Variants in CDH17 observed in about 807,000 individuals in gnomAD.
The protein encoded by CDH17 is cadherin 17, also known as cadherin-17.
In CDH17, 67 loss-of-function variants were observed where a neutral mutation model predicts 86.3. The observed-to-expected ratio is 0.78, with a 90% CI of 0.64 to 0.95. The LOEUF is 0.95. CDH17 is among the 40% of genes least tolerant of loss of function. The pLI is 0.00. For missense variants in CDH17, 993 were observed against 1,017.6 expected, an observed-to-expected ratio of 0.98 and a Z score of 0.33; for synonymous variants, 367 against 366.4, an observed-to-expected ratio of 1.00 and a Z score of -0.02.
chr8:94,190,065 C>T (rs1162579194), intron 2 of CDH17, among the ~76,000 whole-genome samples: 1 of 152,200 alleles, frequency 6.6e-6, no homozygotes, highest in Non-Finnish European at 1.5e-5. Flanking sequence ...AGAAGAGTGG[C>T]TCACACTTGC....
chr8:94,187,531 C>A (rs1161612238), intron 3 of CDH17, among the ~76,000 whole-genome samples: 1 of 152,020 alleles, frequency 6.6e-6, no homozygotes, highest in Non-Finnish European at 1.5e-5. Context: ...CTGCCAGAGT[C>A]CCCTAGCCAG....
At chr8:94,165,012 G>A (rs1329829672) in intron 10 of CDH17, among the ~76,000 whole-genome samples, 1 of 152,200 alleles carries the variant, frequency 6.6e-6, no homozygotes, top group African/African-American at 2.4e-5. Context: ...GTTAGGGTAA[G>A]ATAGAACTTT....
chr8:94,148,878 C>T lies in CDH17; in HGVS notation c.1797-4G>A, dbSNP rs1174871509. 2 of 1,597,098 alleles carry T rather than the reference C, an allele frequency of 1.3e-6. No individual in the cohort carries two copies. The highest frequency in any genetic ancestry group is 1.8e-5 in the Admixed American group (1 of 55,378). On this transcript the variant is annotated splice_region_variant and splice_polypyrimidine_tract_variant and intron_variant, in intron 13 of 17. Transcript: ENST00000027335. Reference sequence around the variant, plus strand: ...TGTGTCTCCCCTCAGTGAATAGCTTCATCAAATGAAAAGAGCAAAAGAAAG... The same window carrying T: ...TGTGTCTCCCCTCAGTGAATAGCTTTATCAAATGAAAAGAGCAAAAGAAAG...
upstream of CDH17, among the ~76,000 whole-genome samples, chr8:94,212,794 C>T (rs1213885519): frequency 1.3e-5 from 2 of 152,210 alleles, no homozygotes; most frequent in Non-Finnish European, 2.9e-5. Flanking sequence ...GATGCTGGCT[C>T]CAAGCAACTG....
chr8:94,186,104 G>GGCACCTAT (rs1226964678), intron 3 of CDH17, among the ~76,000 whole-genome samples: 1 of 152,072 alleles, frequency 6.6e-6, no homozygotes, highest in African/African-American at 2.4e-5. Context: ...GCACTCTATT[G>GGCACCTAT]GCACCTATAT....
intron 5 of CDH17, among the ~76,000 whole-genome samples, chr8:94,175,936 C>T (rs190744582): frequency 1.3e-5 from 2 of 152,242 alleles, no homozygotes; most frequent in East Asian, 3.9e-4. Context: ...GTTGCCCAGA[C>T]CGAGTGCAAT....
chr8:94,153,233 A>C (rs1157705274), intron 12 of CDH17, among the ~76,000 whole-genome samples: 1 of 152,276 alleles, frequency 6.6e-6, no homozygotes, highest in Admixed American at 6.5e-5. Flanking sequence ...TCTCAAAAGA[A>C]GACATACAAA....
chr8:94,207,618 A>T (rs1021680064), intron 1 of CDH17, among the ~76,000 whole-genome samples: 6 of 152,184 alleles, frequency 3.9e-5, no homozygotes, highest in African/African-American at 1.4e-4. Flanking sequence ...TCTTCTTTCA[A>T]ATAATGCCTC....
At chr8:94,180,314 A>G (rs1813453459) in intron 3 of CDH17, among the ~76,000 whole-genome samples, 1 of 152,112 alleles carries the variant, frequency 6.6e-6, no homozygotes. Context: ...AAAAACACAT[A>G]CATAATAAAA....
At chr8:94,166,464 G>A (rs1389793433) in intron 9 of CDH17, among the ~76,000 whole-genome samples, 1 of 152,116 alleles carries the variant, frequency 6.6e-6, no homozygotes, top group Non-Finnish European at 1.5e-5. Context: ...CACATTCCGA[G>A]GTACTAGGGG....
chr8:94,196,014 C>G (rs980515475), intron 1 of CDH17, among the ~76,000 whole-genome samples: 2 of 152,196 alleles, frequency 1.3e-5, no homozygotes, highest in African/African-American at 2.4e-5. Context: ...CCTGCGTCGG[C>G]CTCCCAAAGT....
At chr8:94,209,452 G>C (rs1402885165), upstream of CDH17, among the ~76,000 whole-genome samples, 1 of 152,134 alleles carries the variant, frequency 6.6e-6, no homozygotes, top group Non-Finnish European at 1.5e-5. Context: ...CTCTCCAGGT[G>C]TGCATCTGAC....
intron 6 of CDH17, 32 bp downstream of exon 6, chr8:94,174,070 A>G: frequency 6.2e-7 from 1 of 1,611,510 alleles, no homozygotes; most frequent in South Asian, 1.1e-5. Flanking sequence ...TTTCTGATCG[A>G]GACAGTCCTA....
chr8:94,141,774 A>T (rs1316309844), intron 15 of CDH17, among the ~76,000 whole-genome samples: 2 of 152,204 alleles, frequency 1.3e-5, no homozygotes, highest in Non-Finnish European at 2.9e-5. Context: ...GAATTGGAAG[A>T]CTTAATATAT....
At chr8:94,209,567 C>T (rs1012955460), upstream of CDH17, among the ~76,000 whole-genome samples, 2 of 152,094 alleles carry the variant, frequency 1.3e-5, no homozygotes, top group Non-Finnish European at 2.9e-5. Flanking sequence ...GGGAATAGAC[C>T]TCATTTATCC....
intron 1 of CDH17, among the ~76,000 whole-genome samples, chr8:94,198,535 A>C (rs1563589072): frequency 6.6e-6 from 1 of 152,234 alleles, no homozygotes; most frequent in Non-Finnish European, 1.5e-5. Flanking sequence ...TATTTGCTTA[A>C]TACAAGTAAA....
chr8:94,183,214 T>C (rs1386969199), intron 3 of CDH17, among the ~76,000 whole-genome samples: 1 of 152,102 alleles, frequency 6.6e-6, no homozygotes, highest in African/African-American at 2.4e-5. Flanking sequence ...ACAATCCCTA[T>C]CAAAATTACA....
At position 94,146,755 on chromosome 8, in the gene CDH17, C is replaced by T. The variant is rs143124822; in HGVS notation, c.1928-588G>A. ...AGTATGTGGTCAATAATAGCACCTACGTTATAGTGTTGTATGAGGAGTAAG... is the reference window on the plus strand; with the variant it reads ...AGTATGTGGTCAATAATAGCACCTATGTTATAGTGTTGTATGAGGAGTAAG... On this transcript the variant is annotated intron_variant, in intron 14 of 17. Transcript: ENST00000027335. 2.7e-3 allele frequency among the ~76,000 whole-genome samples: 410 copies of T among 152,296 alleles called. 1 individual carries two copies. Among genetic ancestry groups the T allele is most frequent in the South Asian group, 5.0e-3 (24 of 4,820 alleles).
intron 17 of CDH17, among the ~76,000 whole-genome samples, chr8:94,129,215 C>CA (rs2130561020): frequency 6.6e-6 from 1 of 152,136 alleles, no homozygotes; most frequent in East Asian, 1.9e-4. Context: ...TTTGTAAATT[C>CA]AAAAATCCTT....
Sources: gnomAD v4.1 joint callset for allele counts (sites outside exome capture counted in the v4.1 genomes callset) on GRCh38, gnomAD v4.1.1 for gene constraint, MANE v1.5 for transcripts, NCBI Gene and HGNC (gene_info 2026-07-23, HGNC 2026-07-21) for gene names.